PAK2: variants seen among roughly 807,000 people sequenced by gnomAD.
PAK2 encodes the protein serine/threonine-protein kinase PAK 2.
PAK2 carries 21 observed loss-of-function variants against 65.9 expected under a neutral mutation model. That is an observed-to-expected ratio of 0.32 (90% CI 0.23 to 0.46). The LOEUF (loss-of-function observed/expected upper bound fraction) is 0.46, where lower values mean the gene tolerates loss of function less well. Ranked by LOEUF, PAK2 falls within the 20% of genes least tolerant of loss-of-function variation. The pLI is 1.00. For missense variants in PAK2, 324 were observed against 642.6 expected, an observed-to-expected ratio of 0.50 and a Z score of 5.36; for synonymous variants, 204 against 219.7, an observed-to-expected ratio of 0.93 and a Z score of 0.63.
At chr3:196,801,561 C>T (rs1360061893) in intron 2 of PAK2, among the ~76,000 whole-genome samples, 2 of 152,032 alleles carry the variant, frequency 1.3e-5, no homozygotes, top group African/African-American at 2.4e-5. Flanking sequence ...ACATAATATG[C>T]CGGGCATGCG....
At chr3:196,814,427 G>A (rs746982627) in intron 10 of PAK2, 24 bp from the exon 11 acceptor site, 1 of 834,524 alleles carries the variant, frequency 1.2e-6, no homozygotes, top group Admixed American at 2.2e-5. Context: ...AAGTGTGACT[G>A]TATTTGGTAT....
rs1431541307 is a variant in PAK2, at chr3:196,830,875, A to G, written c.*2470A>G. 6.6e-6 allele frequency: 1 copy of G among 152,072 alleles called. No homozygotes were observed. The highest frequency in any genetic ancestry group is 1.9e-4 in the East Asian group (1 of 5,190). The allele number at this position is 152,072 out of a possible 1,614,324, so 9.4% of individuals were successfully genotyped here. ...TGAAAGAAAAATTATATCTGAATCA[A>G]GATTCATGTTTTTTATTTTTATTTT... On this transcript the variant is annotated 3_prime_UTR_variant, in exon 15 of 15. Transcript: ENST00000327134.
intron 3 of PAK2, 89 bp from the exon 4 acceptor site, chr3:196,802,928 T>G (rs775482488): frequency 5.0e-6 from 4 of 792,352 alleles, no homozygotes; most frequent in Non-Finnish European, 7.7e-6. Flanking sequence ...AAGATTGGTT[T>G]GTTTTGTGTA....
intron 8 of PAK2, among the ~76,000 whole-genome samples, chr3:196,811,018 T>C (rs978442774): frequency 1.3e-5 from 2 of 152,054 alleles, no homozygotes; most frequent in African/African-American, 2.4e-5. Flanking sequence ...TTGAGTCTAC[T>C]GATCTTCTGA....
At chr3:196,743,475 AATT>A (rs1230116694) in intron 1 of PAK2, among the ~76,000 whole-genome samples, 1 of 152,216 alleles carries the variant, frequency 6.6e-6, no homozygotes, top group Non-Finnish European at 1.5e-5. Flanking sequence ...AGGATTCTGT[AATT>A]ATAGGTCTTA....
chr3:196,784,428 C>T (rs1248338309), intron 2 of PAK2, among the ~76,000 whole-genome samples: 2 of 115,238 alleles, frequency 1.7e-5, no homozygotes, highest in South Asian at 6.6e-4. Context: ...TTCCTGTGTC[C>T]ATGTGATCTC....
chr3:196,785,778 T>C (rs1714867441), intron 2 of PAK2, among the ~76,000 whole-genome samples: 1 of 152,152 alleles, frequency 6.6e-6, no homozygotes, highest in Non-Finnish European at 1.5e-5. Flanking sequence ...GAGGAGCAAG[T>C]CGCGTCCTAC....
intron 1 of PAK2, among the ~76,000 whole-genome samples, chr3:196,745,063 A>G (rs1713328168): frequency 6.6e-6 from 1 of 151,956 alleles, no homozygotes; most frequent in African/African-American, 2.4e-5. Context: ...CCACCTTTAC[A>G]AAAAACATTC....
intron 1 of PAK2, among the ~76,000 whole-genome samples, chr3:196,756,298 T>G (rs1713767761): frequency 6.6e-6 from 1 of 152,160 alleles, no homozygotes; most frequent in South Asian, 2.1e-4. Context: ...TATAGATACC[T>G]TCCTCTCTTT....
intron 2 of PAK2, among the ~76,000 whole-genome samples, chr3:196,790,983 G>A (rs537229672): frequency 1.3e-5 from 2 of 152,208 alleles, no homozygotes; most frequent in African/African-American, 4.8e-5. Flanking sequence ...AGAGAATCTG[G>A]CTACCTTCAG....
intron 1 of PAK2, among the ~76,000 whole-genome samples, chr3:196,748,441 C>T (rs1446207132): frequency 1.3e-5 from 2 of 152,192 alleles, no homozygotes. Flanking sequence ...CAGTATCATA[C>T]CGACTGGTTT....
intron 2 of PAK2, among the ~76,000 whole-genome samples, chr3:196,792,675 T>G (rs1373087010): frequency 6.6e-6 from 1 of 152,206 alleles, no homozygotes; most frequent in Non-Finnish European, 1.5e-5. Context: ...ATGTATAGAC[T>G]TATCAAACAG....
chr3:196,756,779 T>C (rs1713784639), intron 1 of PAK2, among the ~76,000 whole-genome samples: 1 of 152,188 alleles, frequency 6.6e-6, no homozygotes, highest in Admixed American at 6.5e-5. Flanking sequence ...GAGATTGTAG[T>C]GAGCTGAGAT....
chr3:196,755,953 A>G (rs1321202827), intron 1 of PAK2, among the ~76,000 whole-genome samples: 1 of 151,746 alleles, frequency 6.6e-6, no homozygotes, highest in Non-Finnish European at 1.5e-5. Context: ...ACGGGGTTTC[A>G]CTGTGTTGGT....
chr3:196,760,820 A>G (rs1713934747), intron 1 of PAK2, among the ~76,000 whole-genome samples: 1 of 152,220 alleles, frequency 6.6e-6, no homozygotes, highest in Non-Finnish European at 1.5e-5. Flanking sequence ...TCGTGATTCA[A>G]AGTGTGAGTT....
rs1335291046 is a variant in PAK2, at chr3:196,831,716, G to GA, written c.*3318dup. ...TCTGATCAGGTAGTAGCTAAAATTA[G>GA]AAAAAAACAAAATAGATGCTTAAAG... On this transcript the variant is annotated 3_prime_UTR_variant, in exon 15 of 15. Transcript: ENST00000327134. 8 of 151,926 alleles carry GA rather than the reference G, an allele frequency of 5.3e-5. No individual in the cohort carries two copies. Among genetic ancestry groups the GA allele is most frequent in the Non-Finnish European group, 1.2e-4 (8 of 67,976 alleles). 9.4% of individuals were successfully genotyped at this position (151,926 alleles called of 1,614,324 possible).
At chr3:196,765,163 TTTG>T (rs1354066148) in intron 1 of PAK2, among the ~76,000 whole-genome samples, 19 of 124,988 alleles carry the variant, frequency 1.5e-4, no homozygotes, top group Admixed American at 5.9e-4. Flanking sequence ...TTTTTTTTTT[TTTG>T]AGACAGGGTC....
At chr3:196,752,552 A>G (rs966246639) in intron 1 of PAK2, among the ~76,000 whole-genome samples, 1 of 151,894 alleles carries the variant, frequency 6.6e-6, no homozygotes, top group Non-Finnish European at 1.5e-5. Flanking sequence ...TGTATATTTC[A>G]TGTTTCTAAT....
chr3:196,806,603 C>A lies in PAK2; in HGVS notation c.493C>A (p.Pro165Thr), dbSNP rs762409703. ...PALNAKGTEA[P>T]AVVTEEEDDD... ...GCTGAATGCCAAGGGAACAGAAGCA[C>A]CCGCAGTAGTGACAGAGGAGGAGGA... The change falls in exon 6 of 15, where the codon CCC becomes ACC. Residue 165 changes from proline (P) to threonine (T), a missense_variant. Around this residue, in one of 5 missense-constraint regions of PAK2, gnomAD observed 183 missense variants for 246.2 expected, o/e 0.74. Transcript: ENST00000327134. The A allele has an allele frequency of 5.0e-6, 8 of 1,612,334 alleles. No individual in the cohort carries two copies. The South Asian group carries it at 6.6e-5, about 13-fold the overall frequency.
Sources: gnomAD v4.1 joint callset for allele counts (sites outside exome capture counted in the v4.1 genomes callset) on GRCh38, gnomAD v4.1.1 for gene constraint, gnomAD v4.1.1 regional missense constraint, MANE v1.5 for transcripts, NCBI Gene and HGNC (gene_info 2026-07-23, HGNC 2026-07-21) for gene names.